Variants in ATF2 observed in about 807,000 individuals in gnomAD.
ATF2 encodes the protein cyclic AMP-dependent transcription factor ATF-2.
In ATF2, 24 loss-of-function variants were observed where a neutral mutation model predicts 60.6. That is an observed-to-expected ratio of 0.40 (90% CI 0.29 to 0.56). The LOEUF (loss-of-function observed/expected upper bound fraction) is 0.56, where lower values mean the gene tolerates loss of function less well. Among genes scored for constraint, ATF2 ranks in the 20% least tolerant of loss-of-function variants. The pLI is 0.54. For missense variants in ATF2, 433 were observed against 607.7 expected, an observed-to-expected ratio of 0.71 and a Z score of 3.02; for synonymous variants, 206 against 215.4, an observed-to-expected ratio of 0.96 and a Z score of 0.38.
intron 1 of ATF2, among the ~76,000 whole-genome samples, chr2:175,156,545 G>C (rs974283276): frequency 6.6e-6 from 1 of 152,066 alleles, no homozygotes; most frequent in Non-Finnish European, 1.5e-5. Flanking sequence ...GCACGAGAGG[G>C]ATTTGACCTG....
chr2:175,118,000 C>T lies in ATF2; in HGVS notation c.437G>A (p.Ser146Asn), dbSNP rs1295586489. ...CTAAAAATTTCTAACCTTCTCATCA[C>T]TGGTAGTAGACTCTGGGTGAGGTAA... ...SPLPHPESTT[S>N]DEKEVPLAQT... The change falls in exon 7 of 14, where the codon AGT (serine) becomes AAT (asparagine). Residue 146 changes from serine to asparagine, a missense_variant. This residue lies in a region of ATF2 where 246 missense variants were observed against 309.3 expected (regional missense o/e 0.80). Transcript: ENST00000264110. The T allele has an allele frequency of 1.2e-6, 2 of 1,603,034 alleles. No homozygotes were observed. Among genetic ancestry groups the T allele is most frequent in the East Asian group, 2.2e-5 (1 of 44,686 alleles).
chr2:175,153,669 A>C (rs2884724), intron 1 of ATF2, among the ~76,000 whole-genome samples: 6,048 of 152,022 alleles, frequency 0.04, 137 homozygotes, highest in Admixed American at 0.095. Flanking sequence ...TCTCTACTAA[A>C]AATACAAAAA....
chr2:175,155,210 T>A (rs546290527), intron 1 of ATF2, among the ~76,000 whole-genome samples: 6 of 152,146 alleles, frequency 3.9e-5, no homozygotes, highest in Non-Finnish European at 7.4e-5. Context: ...GAGCCCTCAT[T>A]CTCCCACTTT....
At position 175,073,191 on chromosome 2, in the gene ATF2, A is replaced by G. The variant is rs985763377; in HGVS notation, c.*1418T>C. On this transcript the variant is annotated 3_prime_UTR_variant, in exon 14 of 14. Transcript: ENST00000264110. Reference sequence around the variant, plus strand: ...AATTTTATGTTTAACAATTTATTCTATTTTAAAATATGTACTGTATTTTGA... The same window carrying G: ...AATTTTATGTTTAACAATTTATTCTGTTTTAAAATATGTACTGTATTTTGA... 4 of 152,144 alleles carry G rather than the reference A, an allele frequency of 2.6e-5. No individual in the cohort carries two copies. Among genetic ancestry groups the G allele is most frequent in the Non-Finnish European group, 5.9e-5 (4 of 68,026 alleles). The allele number at this position is 152,144 out of a possible 1,614,324, so 9.4% of individuals were successfully genotyped here.
At position 175,114,093 on chromosome 2, in the gene ATF2, T is replaced by C; in HGVS notation, c.642A>G (p.Pro214=). 6.2e-7 allele frequency: 1 copy of C among 1,611,498 alleles called. No individual in the cohort carries two copies. Among genetic ancestry groups the C allele is most frequent in the Non-Finnish European group, 8.5e-7 (1 of 1,178,768 alleles). Residue 214 remains proline (P), a synonymous_variant, in exon 9 of 14, where the codon CCA becomes CCG. Transcript: ENST00000264110. ...TAGGAAGATGTAACAGAAGAGGAAA[T>C]GGGCCTGGTACAGGGCTAAGAAAAA... ...SNRPIVPVPG[P]FPLLLHLPNG...
At chr2:175,142,958 C>A (rs1366516635) in intron 2 of ATF2, among the ~76,000 whole-genome samples, 1 of 152,008 alleles carries the variant, frequency 6.6e-6, no homozygotes, top group South Asian at 2.1e-4. Flanking sequence ...GTGATCTTCC[C>A]GCCTCAGCTT....
chr2:175,163,824 G>C (rs1006061229), intron 1 of ATF2, among the ~76,000 whole-genome samples: 4 of 142,138 alleles, frequency 2.8e-5, no homozygotes, highest in Non-Finnish European at 6.0e-5. Context: ...TCAGGAGGCT[G>C]AGGCAGGAGA....
At chr2:175,123,358 T>C (rs1405349629) in intron 4 of ATF2, among the ~76,000 whole-genome samples, 1 of 152,056 alleles carries the variant, frequency 6.6e-6, no homozygotes, top group African/African-American at 2.4e-5. Context: ...TAGTTTATGT[T>C]TCAAAGAACC....
At chr2:175,167,461 G>A (rs1700436961) in intron 1 of ATF2, among the ~76,000 whole-genome samples, 2 of 152,072 alleles carry the variant, frequency 1.3e-5, no homozygotes, top group South Asian at 4.1e-4. Context: ...CAGCTCCTAG[G>A]TTCTCCACAC....
In ATF2 at chr2:175,114,527, T is replaced by A. The variant is rs188501115; in HGVS notation, c.626+163A>T. On this transcript the variant is annotated intron_variant, in intron 8 of 13. Transcript: ENST00000264110. ...TTATCTCCCACTCTGTTAGTTAATA[T>A]TTATATTAAAGAAGACTACGCAAGT... 1.5e-4 allele frequency: 198 copies of A among 1,331,440 alleles called. No homozygotes were observed. In the East Asian group the frequency reaches 5.3e-3, roughly 36 times the overall value. The allele number at this position is 1,331,440 out of a possible 1,614,324, so 82.5% of individuals were successfully genotyped here. A position where few individuals can be genotyped will look rare whatever the true frequency, so the allele number is the denominator to read the frequency against.
In ATF2 at chr2:175,076,270, C is replaced by T. The variant is rs376773896; in HGVS notation, c.1292-1435G>A. Among the ~76,000 whole-genome samples the T allele has an allele frequency of 6.9e-4, 105 of 152,030 alleles. No individual in the cohort carries two copies. In the South Asian group the frequency reaches 0.02, roughly 29 times the overall value. ...TAAAATACATTAATGAGATGGAACC[C>T]CATCTTCTCTATAACATGCTATAAA... On this transcript the variant is annotated intron_variant, in intron 13 of 13. Coordinates refer to ENST00000264110, the MANE Select transcript of ATF2 (RefSeq NM_001880.4).
rs59483244 is a variant in ATF2 at position 175,091,325 on chromosome 2, C to T, written c.1185+1736G>A. The stretch of plus-strand genomic sequence containing the variant: ...AACAGTGATTGTGTTTTATGTCATA[C>T]AACTATAAAATAGCAGGTCATTCAG... On this transcript the variant is annotated intron_variant, in intron 12 of 13. Transcript: ENST00000264110. Among the ~76,000 whole-genome samples, 547 of 151,872 alleles carry T rather than the reference C, an allele frequency of 3.6e-3. 4 individuals are homozygous for T. The highest frequency in any genetic ancestry group is 0.012 in the African/African-American group (508 of 41,438).
intron 10 of ATF2, among the ~76,000 whole-genome samples, chr2:175,106,007 G>GA (rs1331357848): frequency 6.6e-6 from 1 of 151,860 alleles, no homozygotes; most frequent in Non-Finnish European, 1.5e-5. Context: ...GTCTATATTA[G>GA]AAAAAAGATT....
At chr2:175,108,557 G>C (rs1695917712) in intron 10 of ATF2, among the ~76,000 whole-genome samples, 1 of 151,142 alleles carries the variant, frequency 6.6e-6, no homozygotes, top group Non-Finnish European at 1.5e-5. Flanking sequence ...GGAGGGAGGT[G>C]GGGGGCGCCT....
chr2:175,093,402 T>G (rs1056913917), intron 11 of ATF2, 135 bp from the exon 12 acceptor site: 2 of 831,710 alleles, frequency 2.4e-6, no homozygotes, highest in Non-Finnish European at 3.7e-6. Context: ...GTTGGGGCAA[T>G]ATGAAAATCA....
intron 1 of ATF2, among the ~76,000 whole-genome samples, chr2:175,153,344 G>A (rs1559120602): frequency 3.3e-5 from 5 of 152,154 alleles, no homozygotes; most frequent in Admixed American, 3.3e-4. Context: ...TGAGAAATGT[G>A]AAGTTAGGCC....
intron 2 of ATF2, among the ~76,000 whole-genome samples, chr2:175,148,184 G>A (rs555301663): frequency 6.6e-6 from 1 of 152,210 alleles, no homozygotes; most frequent in African/African-American, 2.4e-5. Context: ...TCTTGTGATT[G>A]GATCCGAGAG....
chr2:175,120,913 G>A (rs1559086550), intron 5 of ATF2, among the ~76,000 whole-genome samples: 2 of 151,776 alleles, frequency 1.3e-5, no homozygotes, highest in East Asian at 1.9e-4. Flanking sequence ...AGGTGATACT[G>A]TACGTTCATA....
chr2:175,154,083 A>G (rs10171992), intron 1 of ATF2, among the ~76,000 whole-genome samples: 38,859 of 150,530 alleles, frequency 0.26, 5,910 homozygotes, highest in African/African-American at 0.43. Context: ...GTGTGGTGGC[A>G]CACACCTGTA....
Sources: gnomAD v4.1 joint callset for allele counts (sites outside exome capture counted in the v4.1 genomes callset) on GRCh38, gnomAD v4.1.1 for gene constraint, gnomAD v4.1.1 regional missense constraint, MANE v1.5 for transcripts, NCBI Gene and HGNC (gene_info 2026-07-23, HGNC 2026-07-21) for gene names.